HTR1F: variants seen among roughly 807,000 people sequenced by gnomAD.
HTR1F encodes the protein 5-hydroxytryptamine receptor 1F, also known as 5-hydroxytryptamine (serotonin) receptor 1F, G protein-coupled.
HTR1F carries 17 observed loss-of-function variants against 24.0 expected under a neutral mutation model. The observed-to-expected ratio is 0.71, with a 90% CI of 0.48 to 1.06. HTR1F has a LOEUF of 1.06. Among genes scored for constraint, HTR1F ranks in the 50% least tolerant of loss-of-function variants. The pLI is 0.00. For missense variants in HTR1F, 391 were observed against 427.8 expected (o/e 0.91, Z 0.76); for synonymous variants, 186 against 156.8 (o/e 1.19, Z -1.39).
intron 2 of HTR1F, among the ~76,000 whole-genome samples, chr3:87,871,474 AG>A (rs1391607946): frequency 2.6e-5 from 4 of 152,106 alleles, no homozygotes; most frequent in African/African-American, 9.6e-5. Flanking sequence ...AGAAAGAGAA[AG>A]GGTACAAAGA....
intron 2 of HTR1F, among the ~76,000 whole-genome samples, chr3:87,941,335 A>G (rs1398668942): frequency 6.6e-6 from 1 of 152,162 alleles, no homozygotes; most frequent in Non-Finnish European, 1.5e-5. Flanking sequence ...GGATGAGCAT[A>G]AGCCAGTATA....
intron 2 of HTR1F, among the ~76,000 whole-genome samples, chr3:87,843,977 G>A (rs539072220): frequency 2.8e-4 from 43 of 151,016 alleles, no homozygotes; most frequent in African/African-American, 1.0e-3. Flanking sequence ...GAATAATGCT[G>A]CAATAAACAT....
At chr3:87,961,329 C>T (rs937182301) in intron 2 of HTR1F, among the ~76,000 whole-genome samples, 1 of 151,900 alleles carries the variant, frequency 6.6e-6, no homozygotes, top group African/African-American at 2.4e-5. Context: ...TGGAAGAGAC[C>T]CCATTCCGAG....
At chr3:87,906,952 C>G (rs971890525) in intron 2 of HTR1F, among the ~76,000 whole-genome samples, 1 of 152,022 alleles carries the variant, frequency 6.6e-6, no homozygotes, top group Non-Finnish European at 1.5e-5. Flanking sequence ...GGCATTTGGG[C>G]TGCTTCCATA....
chr3:87,841,774 C>G (rs1009250422), intron 2 of HTR1F, among the ~76,000 whole-genome samples: 1 of 151,202 alleles, frequency 6.6e-6, no homozygotes, highest in Non-Finnish European at 1.5e-5. Flanking sequence ...GTGGCGCGCT[C>G]CTGTAATCCC....
In HTR1F at chr3:87,899,423, T is replaced by C. The variant is rs189004673; in HGVS notation, c.-43+77299T>C. Among the ~76,000 whole-genome samples the C allele has an allele frequency of 3.3e-5, 5 of 152,332 alleles. 1 individual carries two copies. Among genetic ancestry groups the C allele is most frequent in the Admixed American group, 3.3e-4 (5 of 15,296 alleles). Reference sequence around the variant, plus strand: ...ATTTTTGTTTTTACTTGTCATAATATGGAAACCAGCTAAATACCTTTTAAT... The same window carrying C: ...ATTTTTGTTTTTACTTGTCATAATACGGAAACCAGCTAAATACCTTTTAAT... On this transcript the variant is annotated intron_variant, in intron 2 of 2. Transcript: ENST00000319595.
At chr3:87,985,886 T>G (rs1329707091) in intron 2 of HTR1F, among the ~76,000 whole-genome samples, 2 of 152,224 alleles carry the variant, frequency 1.3e-5, no homozygotes, top group Non-Finnish European at 2.9e-5. Flanking sequence ...TTTTAAAAAC[T>G]GAGTAAGCAG....
intron 2 of HTR1F, among the ~76,000 whole-genome samples, chr3:87,983,362 A>G (rs1366019581): frequency 1.3e-5 from 2 of 152,204 alleles, no homozygotes; most frequent in African/African-American, 4.8e-5. Context: ...AGAGTTTCCC[A>G]TCTCTCTCAG....
At chr3:87,981,328 G>A (rs186670485) in intron 2 of HTR1F, among the ~76,000 whole-genome samples, 53 of 152,284 alleles carry the variant, frequency 3.5e-4, no homozygotes, top group Non-Finnish European at 5.6e-4. Flanking sequence ...CTGAGTAGCT[G>A]GGACTACAGC....
intron 2 of HTR1F, among the ~76,000 whole-genome samples, chr3:87,938,318 G>A (rs1194186205): frequency 6.6e-6 from 1 of 152,100 alleles, no homozygotes; most frequent in Non-Finnish European, 1.5e-5. Flanking sequence ...AACATTCCAC[G>A]CTCATGGGTA....
At chr3:87,914,164 A>T (rs1703839480) in intron 2 of HTR1F, among the ~76,000 whole-genome samples, 1 of 152,108 alleles carries the variant, frequency 6.6e-6, no homozygotes, top group Non-Finnish European at 1.5e-5. Context: ...CCAGCATAAT[A>T]CAGGGGTAGA....
At chr3:87,809,301 T>C (rs188337604) in intron 1 of HTR1F, among the ~76,000 whole-genome samples, 2 of 151,936 alleles carry the variant, frequency 1.3e-5, no homozygotes, top group Admixed American at 1.3e-4. Context: ...TGAATTATTA[T>C]AAATCACTCT....
chr3:87,854,643 G>A (rs1452061357), intron 2 of HTR1F, among the ~76,000 whole-genome samples: 1 of 151,900 alleles, frequency 6.6e-6, no homozygotes, highest in East Asian at 1.9e-4. Context: ...TCTATGTAGT[G>A]AAATATTTGG....
intron 2 of HTR1F, among the ~76,000 whole-genome samples, chr3:87,834,572 C>T (rs892418896): frequency 1.3e-5 from 2 of 151,888 alleles, no homozygotes; most frequent in Non-Finnish European, 2.9e-5. Flanking sequence ...ATCCCTAATG[C>T]CTAGTCCAGT....
chr3:87,963,760 T>C (rs978858178), intron 2 of HTR1F, among the ~76,000 whole-genome samples: 1 of 152,112 alleles, frequency 6.6e-6, no homozygotes, highest in African/African-American at 2.4e-5. Flanking sequence ...ACCTGAGGGT[T>C]AGAGATCTTA....
In HTR1F at chr3:87,991,362, T is replaced by C. The variant is rs757234278; in HGVS notation, c.613T>C (p.Tyr205His). 1 of 1,613,800 alleles carries C rather than the reference T, an allele frequency of 6.2e-7. No homozygotes were observed. The highest frequency in any genetic ancestry group is 8.5e-7 in the Non-Finnish European group (1 of 1,180,008). Residue 205 changes from tyrosine (Y) to histidine (H), a missense_variant, in exon 3 of 3, where the codon TAT becomes CAT. Tyr to His is a moderately conservative substitution (Grantham distance 83, BLOSUM62 2). Coordinates refer to ENST00000319595, the MANE Select transcript of HTR1F (RefSeq NM_001322209.2). The part of the protein sequence containing the change: ...ALILILYYKI[Y>H]RAAKTLYHKR... ...GATTTTGATCCTTTACTACAAAATA[T>C]ATAGAGCAGCAAAGACATTATACCA...
rs1350116497 is a variant in HTR1F at position 87,885,229 on chromosome 3, T to G, written c.-43+63105T>G. Among the ~76,000 whole-genome samples, 10 of 152,226 alleles carry G rather than the reference T, an allele frequency of 6.6e-5. No individual in the cohort carries two copies. In the East Asian group the frequency reaches 1.9e-3, roughly 29 times the overall value. ...ACTACATGGAAACTGAACAACCTGC[T>G]CTTGAATGACTACTGGGTAGATAAC... On this transcript the variant is annotated intron_variant, in intron 2 of 2. Coordinates refer to ENST00000319595, the MANE Select transcript of HTR1F (RefSeq NM_001322209.2).
intron 2 of HTR1F, among the ~76,000 whole-genome samples, chr3:87,869,399 A>G (rs1705498739): frequency 1.1e-5 from 1 of 88,326 alleles, no homozygotes; most frequent in East Asian, 3.5e-4. Flanking sequence ...ACAGATAGAT[A>G]GATAGATAGA....
intron 1 of HTR1F, among the ~76,000 whole-genome samples, chr3:87,803,143 C>T (rs1326043811): frequency 3.3e-5 from 5 of 152,142 alleles, no homozygotes; most frequent in Non-Finnish European, 7.4e-5. Context: ...TCGAATTCAT[C>T]TGTGAATTTT....
Sources: allele counts gnomAD v4.1 joint callset (sites outside exome capture counted in the v4.1 genomes callset), GRCh38; gene constraint gnomAD v4.1.1; transcripts MANE v1.5; gene names NCBI Gene and HGNC (gene_info 2026-07-23, HGNC 2026-07-21).